Variants in AKAP19 observed in about 807,000 individuals in gnomAD.
AKAP19 encodes the protein A-kinase anchoring protein 19, also known as small A-kinase anchoring protein.
At chr2:189,998,771 C>CTTTTTTTTTTTTTTTTTTTTTTTTT in the AKAP19 span, among the ~76,000 whole-genome samples, 58 of 97,530 alleles carry the variant, frequency 5.9e-4, no homozygotes, top group Non-Finnish European at 6.7e-4. Flanking sequence ...TTCTTTCTTT[C>CTTTTTTTTTTTTTTTTTTTTTTTTT]TTTTTTTTTT....
the AKAP19 span, among the ~76,000 whole-genome samples, chr2:190,182,217 C>T: frequency 1.3e-5 from 2 of 152,144 alleles, no homozygotes; most frequent in East Asian, 1.9e-4. Flanking sequence ...GCCTTGTTTA[C>T]GCTGAACTGA....
the AKAP19 span, among the ~76,000 whole-genome samples, chr2:189,931,445 TCA>T: frequency 6.6e-6 from 1 of 152,116 alleles, no homozygotes; most frequent in African/African-American, 2.4e-5. Flanking sequence ...CATATTAACC[TCA>T]AACTCCCAGG....
the AKAP19 span, among the ~76,000 whole-genome samples, chr2:189,933,578 G>T: frequency 6.6e-6 from 1 of 152,052 alleles, no homozygotes; most frequent in Non-Finnish European, 1.5e-5. Flanking sequence ...TTTTCAAAAA[G>T]GGGTAGAGAT....
At chr2:189,938,706 A>G in the AKAP19 span, among the ~76,000 whole-genome samples, 1 of 152,306 alleles carries the variant, frequency 6.6e-6, no homozygotes, top group Non-Finnish European at 1.5e-5. Flanking sequence ...AAAATAACTA[A>G]AAGAGTATAA....
At chr2:190,144,775 G>A in the AKAP19 span, among the ~76,000 whole-genome samples, 2 of 152,036 alleles carry the variant, frequency 1.3e-5, no homozygotes, top group Non-Finnish European at 2.9e-5. Context: ...TCAGGAGTTC[G>A]AGACCAGCCT....
chr2:190,171,107 C>T, the AKAP19 span, among the ~76,000 whole-genome samples: 62,338 of 151,786 alleles, frequency 0.41, 15,345 homozygotes, highest in East Asian at 0.81. Flanking sequence ...TTAGAAAGAC[C>T]TCTAGGAAGC....
At chr2:189,897,489 T>C in the AKAP19 span, among the ~76,000 whole-genome samples, 1 of 152,166 alleles carries the variant, frequency 6.6e-6, no homozygotes, top group Admixed American at 6.5e-5. Context: ...AATATGAATA[T>C]TTTTGGTCTG....
the AKAP19 span, among the ~76,000 whole-genome samples, chr2:190,077,602 C>T: frequency 6.6e-6 from 1 of 152,210 alleles, no homozygotes; most frequent in Non-Finnish European, 1.5e-5. Context: ...CGTGCACAGT[C>T]ATTATCTATG....
At chr2:190,042,952 A>T in the AKAP19 span, among the ~76,000 whole-genome samples, 1 of 152,152 alleles carries the variant, frequency 6.6e-6, no homozygotes, top group Non-Finnish European at 1.5e-5. Flanking sequence ...TCACTTAAGA[A>T]GTTTAGTTTG....
the AKAP19 span, among the ~76,000 whole-genome samples, chr2:189,952,128 A>G: frequency 1.3e-5 from 2 of 152,356 alleles, no homozygotes; most frequent in South Asian, 4.1e-4. Flanking sequence ...TTTGTTTTAA[A>G]AGGTATACAC....
chr2:190,152,290 G>T, the AKAP19 span, among the ~76,000 whole-genome samples: 1 of 151,924 alleles, frequency 6.6e-6, no homozygotes, highest in Non-Finnish European at 1.5e-5. Flanking sequence ...CTCCATTTGG[G>T]CCTATTTCTG....
the AKAP19 span, among the ~76,000 whole-genome samples, chr2:190,035,135 A>G: frequency 6.6e-6 from 1 of 152,124 alleles, no homozygotes; most frequent in Non-Finnish European, 1.5e-5. Context: ...AAACAGTTGT[A>G]TATGTGTTCA....
chr2:189,995,796 C>G, the AKAP19 span, among the ~76,000 whole-genome samples: 4 of 152,054 alleles, frequency 2.6e-5, no homozygotes, highest in Admixed American at 2.0e-4. Flanking sequence ...CTCCTTTTAG[C>G]ATTTCTTTTA....
At chr2:190,186,246 C>T in the AKAP19 span, among the ~76,000 whole-genome samples, 2,606 of 152,276 alleles carry the variant, frequency 0.017, 80 homozygotes, top group African/African-American at 0.058. The surrounding 1 kb of genome is among the most constrained non-coding windows in gnomAD (Gnocchi z 5.5). Context: ...GCCACCATGC[C>T]CAACCAAAAT....
chr2:190,085,026 C>A, the AKAP19 span, among the ~76,000 whole-genome samples: 1 of 152,210 alleles, frequency 6.6e-6, no homozygotes, highest in African/African-American at 2.4e-5. Flanking sequence ...TCCCAAACCA[C>A]CCTTCTCTTT....
chr2:190,062,176 GAAC>G, the AKAP19 span: 2 of 1,600,274 alleles, frequency 1.2e-6, no homozygotes, highest in South Asian at 1.1e-5. Flanking sequence ...ATAAACACTA[GAAC>G]AACAGTCAGC....
At chr2:190,088,408 G>A in the AKAP19 span, among the ~76,000 whole-genome samples, 3 of 152,178 alleles carry the variant, frequency 2.0e-5, no homozygotes, top group East Asian at 3.9e-4. Flanking sequence ...CTTTACCATC[G>A]TTTCCTTTTT....
At chr2:190,150,960 G>A in the AKAP19 span, among the ~76,000 whole-genome samples, 2 of 151,684 alleles carry the variant, frequency 1.3e-5, no homozygotes, top group Admixed American at 6.6e-5. Flanking sequence ...TTTTTTTAGT[G>A]GATATTTGTA....
chr2:189,930,809 G>A, the AKAP19 span: 463 of 820,762 alleles, frequency 5.6e-4, 5 homozygotes, highest in East Asian at 9.4e-3. Context: ...TGTTGTATAA[G>A]GCCTATTCTT....
Sources: allele counts gnomAD v4.1 joint callset (sites outside exome capture counted in the v4.1 genomes callset), GRCh38; gene constraint gnomAD v4.1.1; non-coding constraint Gnocchi (gnomAD v3.1); transcripts MANE v1.5; gene names NCBI Gene and HGNC (gene_info 2026-07-23, HGNC 2026-07-21).